The following CTNNA2 variants were observed in gnomAD, a reference collection of about 807,000 sequenced individuals.
CTNNA2 encodes catenin alpha-2.
A neutral mutation model predicts 101.0 loss-of-function variants in CTNNA2; 42 were observed. That is an observed-to-expected ratio of 0.42 (90% CI 0.32 to 0.54). The LOEUF (loss-of-function observed/expected upper bound fraction) is 0.54, where lower values mean the gene tolerates loss of function less well. Ranked by LOEUF, CTNNA2 falls within the 20% of genes least tolerant of loss-of-function variation. The pLI is 0.14. For synonymous variants in CTNNA2, 450 were observed against 456.4 expected (o/e 0.99, Z 0.18); for missense variants, 871 against 1,223.1 (o/e 0.71, Z 4.29).
chr2:80,032,534 C>A (rs749468255), intron 7 of CTNNA2, among the ~76,000 whole-genome samples: 1 of 152,128 alleles, frequency 6.6e-6, no homozygotes, highest in Non-Finnish European at 1.5e-5. Flanking sequence ...AACACACACA[C>A]ACACTCAAAA....
At chr2:80,358,526 T>TC (rs1489147411) in intron 7 of CTNNA2, among the ~76,000 whole-genome samples, 1 of 151,870 alleles carries the variant, frequency 6.6e-6, no homozygotes, top group Non-Finnish European at 1.5e-5. Context: ...AATTTTTGTA[T>TC]TTTTAGTAGA....
chr2:79,752,705 AG>A (rs1339521222), intron 3 of CTNNA2, among the ~76,000 whole-genome samples: 1 of 152,210 alleles, frequency 6.6e-6, no homozygotes, highest in East Asian at 1.9e-4. Context: ...TGAGCACTTC[AG>A]GCATGCATTA....
chr2:80,619,285 G>C lies in CTNNA2; in HGVS notation c.2574+57G>C, dbSNP rs913044865. On this transcript the variant is annotated intron_variant, in intron 18 of 18. Coordinates refer to ENST00000402739, the MANE Select transcript of CTNNA2 (RefSeq NM_001282597.3). ...TTCATTGTAATCATGAATTCTGAAG[G>C]CAGGGGGGATTGGATTTTAGGGAAA... The C allele has an allele frequency of 2.9e-6, 4 of 1,393,410 alleles. No homozygotes were observed. In the African/African-American group the frequency reaches 5.8e-5, roughly 20 times the overall value. The allele number at this position is 1,393,410 out of a possible 1,614,324, so 86.3% of individuals were successfully genotyped here.
chr2:80,424,664 C>A (rs1680837612), intron 9 of CTNNA2, among the ~76,000 whole-genome samples: 1 of 152,222 alleles, frequency 6.6e-6, no homozygotes, highest in Non-Finnish European at 1.5e-5. Flanking sequence ...TCTTTCACCA[C>A]AGTCCTGAAG....
chr2:80,052,023 G>A (rs1696906822), intron 7 of CTNNA2, among the ~76,000 whole-genome samples: 1 of 152,162 alleles, frequency 6.6e-6, no homozygotes, highest in African/African-American at 2.4e-5. Context: ...AGTTGATGTA[G>A]CTTCTTGATT....
intron 7 of CTNNA2, among the ~76,000 whole-genome samples, chr2:80,156,514 C>T (rs1184111861): frequency 1.3e-5 from 2 of 152,162 alleles, no homozygotes; most frequent in African/African-American, 4.8e-5. Context: ...GGCAGGTGCT[C>T]CATGTAGCAA....
chr2:79,638,320 A>G (rs868085888), intron 1 of CTNNA2, among the ~76,000 whole-genome samples: 5 of 152,240 alleles, frequency 3.3e-5, no homozygotes, highest in African/African-American at 9.6e-5. Flanking sequence ...TCATAAATAC[A>G]AAATTAAATC....
intron 4 of CTNNA2, among the ~76,000 whole-genome samples, chr2:79,379,155 C>A (rs960101120): frequency 6.6e-6 from 1 of 152,168 alleles, no homozygotes; most frequent in African/African-American, 2.4e-5. Flanking sequence ...AAATTTTCTA[C>A]ATATACCTGT....
At chr2:80,362,734 G>T (rs1207939896) in intron 7 of CTNNA2, among the ~76,000 whole-genome samples, 1 of 151,974 alleles carries the variant, frequency 6.6e-6, no homozygotes, top group African/African-American at 2.4e-5. Flanking sequence ...TACTCTCTCT[G>T]CACGTCTTAC....
At chr2:80,506,712 T>C (rs1330036230) in intron 9 of CTNNA2, among the ~76,000 whole-genome samples, 1 of 152,162 alleles carries the variant, frequency 6.6e-6, no homozygotes, top group Non-Finnish European at 1.5e-5. Context: ...GAGGAGGCTG[T>C]TGAAGTAATT....
chr2:79,756,617 T>G (rs1024492599), intron 3 of CTNNA2, among the ~76,000 whole-genome samples: 4 of 152,072 alleles, frequency 2.6e-5, no homozygotes, highest in Admixed American at 2.6e-4. Flanking sequence ...AGAAACATAA[T>G]ACTAAGAGAA....
At chr2:80,402,099 A>G (rs910601729) in intron 8 of CTNNA2, among the ~76,000 whole-genome samples, 1 of 152,152 alleles carries the variant, frequency 6.6e-6, no homozygotes, top group Non-Finnish European at 1.5e-5. Flanking sequence ...GGTCCACCTA[A>G]TTTGCCAGAG....
At chr2:80,358,424 C>T (rs1379860301) in intron 7 of CTNNA2, among the ~76,000 whole-genome samples, 1 of 143,950 alleles carries the variant, frequency 6.9e-6, no homozygotes, top group Non-Finnish European at 1.5e-5. Flanking sequence ...AATCTTGGCT[C>T]ACTGCAAGCT....
chr2:79,411,717 G>A (rs532494255), intron 4 of CTNNA2, among the ~76,000 whole-genome samples: 3 of 152,170 alleles, frequency 2.0e-5, no homozygotes, highest in South Asian at 2.1e-4. Context: ...TCACCACCAG[G>A]CCTGCTCTAA....
chr2:79,705,903 G>A (rs956548504), intron 2 of CTNNA2, among the ~76,000 whole-genome samples: 5 of 152,136 alleles, frequency 3.3e-5, no homozygotes, highest in African/African-American at 9.7e-5. Context: ...GAATCAATAA[G>A]TAGTTAGAGA....
chr2:79,222,099 G>A (rs1326899536), intron 2 of CTNNA2, among the ~76,000 whole-genome samples: 1 of 152,156 alleles, frequency 6.6e-6, no homozygotes, highest in Non-Finnish European at 1.5e-5. Flanking sequence ...TGTGTTCAGA[G>A]AGCCCCGTAA....
chr2:80,162,913 T>G, intron 7 of CTNNA2: 1 of 1,560,684 alleles, frequency 6.4e-7, no homozygotes. Context: ...CTAGGAGTTG[T>G]GGAGGTAGGG....
intron 7 of CTNNA2, among the ~76,000 whole-genome samples, chr2:80,060,501 T>C (rs1697510248): frequency 6.6e-6 from 1 of 152,002 alleles, no homozygotes; most frequent in Admixed American, 6.5e-5. Flanking sequence ...TTTCTTACCA[T>C]ATAAACCCCA....
At chr2:79,217,303 C>T (rs533054574) in intron 2 of CTNNA2, among the ~76,000 whole-genome samples, 80 of 152,266 alleles carry the variant, frequency 5.3e-4, no homozygotes, top group African/African-American at 1.9e-3. Context: ...GTCACGGCAC[C>T]AAATTTCATG....
Sources: gnomAD v4.1 joint callset for allele counts (sites outside exome capture counted in the v4.1 genomes callset) on GRCh38, gnomAD v4.1.1 for gene constraint, MANE v1.5 for transcripts, NCBI Gene and HGNC (gene_info 2026-07-23, HGNC 2026-07-21) for gene names.